The following ADIG variants were observed in gnomAD, a reference collection of about 807,000 sequenced individuals.
The protein encoded by ADIG is adipogenin.
A neutral mutation model predicts 10.7 loss-of-function variants in ADIG; 12 were observed. That is an observed-to-expected ratio of 1.12 (90% CI 0.72 to 1.82). The LOEUF (loss-of-function observed/expected upper bound fraction) is 1.82, where lower values mean the gene tolerates loss of function less well. ADIG is among the 40% of genes most tolerant of loss of function. The pLI is 0.00. For synonymous variants in ADIG, 32 were observed against 35.6 expected, an observed-to-expected ratio of 0.90 and a Z score of 0.36; for missense variants, 72 against 92.5, an observed-to-expected ratio of 0.78 and a Z score of 0.91.
At chr20:38,586,218 G>T in intron 2 of ADIG, 57 bp downstream of exon 2, 1 of 1,420,458 alleles carries the variant, frequency 7.0e-7, no homozygotes, top group South Asian at 1.2e-5. Flanking sequence ...GCCTTGGGCA[G>T]CTGCTATGTG....
chr20:38,582,345 C>T (rs957630142), intron 1 of ADIG, among the ~76,000 whole-genome samples: 1 of 151,218 alleles, frequency 6.6e-6, no homozygotes, highest in African/African-American at 2.4e-5. Flanking sequence ...TGCAGTGAGC[C>T]GAGATCACAC....
chr20:38,582,078 C>T (rs1029865833), intron 1 of ADIG, among the ~76,000 whole-genome samples: 1 of 152,098 alleles, frequency 6.6e-6, no homozygotes, highest in Non-Finnish European at 1.5e-5. Flanking sequence ...GACTTCTGCT[C>T]CTCTGGCATG....
chr20:38,581,239 C>T lies in ADIG; in HGVS notation c.-12C>T, dbSNP rs1461141691. The T allele has an allele frequency of 1.2e-5, 20 of 1,603,930 alleles. No homozygotes were observed. The highest frequency in any genetic ancestry group is 3.4e-5 in the Admixed American group (2 of 58,306). On this transcript the variant is annotated 5_prime_UTR_variant, in exon 1 of 3. Transcript: ENST00000537425. ...CCAGCCCAGGCTGGCCCAGCTTAGC[C>T]ACACATGCGCCATGAAGTACCCTTT...
intron 1 of ADIG, chr20:38,585,299 C>A: frequency 1.1e-6 from 1 of 873,194 alleles, no homozygotes; most frequent in Non-Finnish European, 1.7e-6. Flanking sequence ...CTCACCCTAC[C>A]TCCCCAAGAT....
In ADIG at chr20:38,583,987, A is replaced by C. The variant is rs763989563; in HGVS notation, c.125-2042A>C. 4.3e-4 allele frequency among the ~76,000 whole-genome samples: 66 copies of C among 152,212 alleles called. 1 individual carries two copies. In the Middle Eastern group the frequency reaches 0.02, roughly 47 times the overall value. The stretch of plus-strand genomic sequence containing the variant: ...AAGGGGTCAGGACACCCAGACCTGC[A>C]GTTTTCTATTCTGCTGCAGATCCCT... On this transcript the variant is annotated intron_variant, in intron 1 of 2. Transcript: ENST00000537425.
intron 1 of ADIG, among the ~76,000 whole-genome samples, chr20:38,583,256 A>G (rs2088604252): frequency 6.6e-6 from 1 of 152,224 alleles, no homozygotes; most frequent in Admixed American, 6.5e-5. Flanking sequence ...ATACTTAATA[A>G]TATCACAATT....
intron 1 of ADIG, 97 bp downstream of exon 1, chr20:38,581,471 T>C (rs2088591076): frequency 6.5e-6 from 10 of 1,530,690 alleles, no homozygotes; most frequent in Non-Finnish European, 8.9e-6. Context: ...AGAAGGGGCT[T>C]CCTTCAGTCA....
intron 2 of ADIG, among the ~76,000 whole-genome samples, chr20:38,587,177 T>C (rs2088644356): frequency 6.6e-6 from 1 of 152,160 alleles, no homozygotes. Context: ...TTGATTCTGT[T>C]GCCCGAGTCA....
chr20:38,586,066 G>A lies in ADIG; in HGVS notation c.162G>A (p.Trp54Ter). 2 of 1,610,724 alleles carry A rather than the reference G, an allele frequency of 1.2e-6. No individual in the cohort carries two copies. The change falls in exon 2 of 3, where the codon TGG (tryptophan) becomes TGA (stop). Residue 54 changes from tryptophan to a stop codon, truncating the protein, a stop_gained. Transcript: ENST00000537425. LOFTEE classifies it high-confidence loss of function. Reference sequence around the variant, plus strand: ...ATGACTCCAGTGTGTGCTTGGATTGGGAGCCCTGGAGCAAAGGCCCAGCTG... The same window carrying A: ...ATGACTCCAGTGTGTGCTTGGATTGAGAGCCCTGGAGCAAAGGCCCAGCTG... ...EENDSSVCLD[W>*]EPWSKGPAEF...
At chr20:38,583,051 C>T (rs2088602572) in intron 1 of ADIG, among the ~76,000 whole-genome samples, 1 of 152,138 alleles carries the variant, frequency 6.6e-6, no homozygotes. Context: ...CTCCTGAGCT[C>T]AGGTGATCCA....
chr20:38,585,897 T>C, intron 1 of ADIG, 132 bp from the exon 2 acceptor site: 2 of 868,490 alleles, frequency 2.3e-6, no homozygotes, highest in African/African-American at 1.7e-5. Context: ...GGCTGGCTCA[T>C]AGGATTCTGC....
intron 1 of ADIG, among the ~76,000 whole-genome samples, chr20:38,584,236 A>C (rs549546204): frequency 6.6e-6 from 1 of 152,198 alleles, no homozygotes; most frequent in Non-Finnish European, 1.5e-5. Flanking sequence ...ACTGGCACTG[A>C]GGCAAAAATG....
intron 1 of ADIG, among the ~76,000 whole-genome samples, chr20:38,581,633 T>C (rs6026642): frequency 0.85 from 122,903 of 145,010 alleles, 51,798 homozygotes; most frequent in East Asian, 0.94. Context: ...ACCTAGAGTT[T>C]GAGAGTGAGT....
chr20:38,584,574 G>T (rs1333200346), intron 1 of ADIG, among the ~76,000 whole-genome samples: 2 of 152,186 alleles, frequency 1.3e-5, no homozygotes, highest in Non-Finnish European at 2.9e-5. Context: ...GGCTGAATTT[G>T]CATCCAGTAG....
At chr20:38,587,945 T>C (rs2088651506) in intron 2 of ADIG, among the ~76,000 whole-genome samples, 156 bp from the exon 3 acceptor site, 1 of 151,996 alleles carries the variant, frequency 6.6e-6, no homozygotes, top group Non-Finnish European at 1.5e-5. Context: ...ACCATATTGG[T>C]CAGGCTGGTC....
Position 38,582,905 on chromosome 20 carries a change from C to A in ADIG, c.124+1531C>A, listed in dbSNP as rs551531068. Among the ~76,000 whole-genome samples, 7 of 152,242 alleles carry A rather than the reference C, an allele frequency of 4.6e-5. No homozygotes were observed. In the East Asian group the frequency reaches 1.4e-3, roughly 29 times the overall value. ...CAATCTCGGCTCACTGCAACCTCTG[C>A]CTCCTGGCTTCAAGCGATTCTCCTG... On this transcript the variant is annotated intron_variant, in intron 1 of 2. Transcript: ENST00000537425.
At position 38,588,256 on chromosome 20, in the gene ADIG, C is replaced by T; in HGVS notation, c.*170C>T. 1 of 1,304,350 alleles carries T rather than the reference C, an allele frequency of 7.7e-7. No individual in the cohort carries two copies. The highest frequency in any genetic ancestry group is 1.0e-6 in the Non-Finnish European group (1 of 988,956). The allele number at this position is 1,304,350 out of a possible 1,614,324, so 80.8% of individuals were successfully genotyped here. ...CGACATGTGAAAGCCTCCAGAGGTC[C>T]CAGCCCTTCTCCAGCATCACAGATG... On this transcript the variant is annotated 3_prime_UTR_variant, in exon 3 of 3. Coordinates refer to ENST00000537425, the MANE Select transcript of ADIG (RefSeq NM_001393816.1).
intron 2 of ADIG, among the ~76,000 whole-genome samples, chr20:38,587,148 T>C (rs184528837): frequency 4.6e-5 from 7 of 152,276 alleles, no homozygotes; most frequent in Admixed American, 2.0e-4. Flanking sequence ...TTCATCTCCA[T>C]GAATAGCACC....
At chr20:38,586,860 G>T (rs2088642142) in intron 2 of ADIG, among the ~76,000 whole-genome samples, 1 of 151,982 alleles carries the variant, frequency 6.6e-6, no homozygotes, top group South Asian at 2.1e-4. Context: ...ATTTACAAAT[G>T]AGGCACACAC....
Sources: gnomAD v4.1 joint callset for allele counts (sites outside exome capture counted in the v4.1 genomes callset) on GRCh38, gnomAD v4.1.1 for gene constraint, MANE v1.5 for transcripts, NCBI Gene and HGNC (gene_info 2026-07-23, HGNC 2026-07-21) for gene names.